Variants in FMN1 observed in about 807,000 individuals in gnomAD.
FMN1 encodes formin-1.
Under a neutral mutation model 132.4 loss-of-function variants are expected in FMN1, and 110 were observed. That is an observed-to-expected ratio of 0.83 (90% CI 0.71 to 0.97). FMN1 has a LOEUF of 0.97. FMN1 is among the 50% of genes least tolerant of loss of function. The pLI is 0.00. For missense variants in FMN1, 1,792 were observed against 1,705.3 expected (o/e 1.05, Z -0.90); for synonymous variants, 722 against 651.7 (o/e 1.11, Z -1.64).
At chr15:32,981,907 C>A (rs1296643894) in intron 7 of FMN1, among the ~76,000 whole-genome samples, 3 of 152,110 alleles carry the variant, frequency 2.0e-5, no homozygotes, top group Non-Finnish European at 4.4e-5. Flanking sequence ...ATTAGACAGA[C>A]CCTTTCACAA....
At position 32,902,015 on chromosome 15, in the gene FMN1, G is replaced by GA. The variant is rs752662507; in HGVS notation, c.3402dup (p.Pro1135SerfsTer2). The GA allele has an allele frequency of 2.5e-6, 4 of 1,612,602 alleles. No individual in the cohort carries two copies. ...CACTGGGCACGTTCAGCAAAATTAG[G>GA]AATCTGGGCTAACTCATGTAAAAAT... On this transcript the variant is annotated frameshift_variant, in exon 13 of 21. Coordinates refer to ENST00000616417, the MANE Select transcript of FMN1 (RefSeq NM_001277313.2). LOFTEE classifies it high-confidence loss of function.
chr15:33,018,439 C>A (rs1192665336), intron 6 of FMN1, among the ~76,000 whole-genome samples: 1 of 152,072 alleles, frequency 6.6e-6, no homozygotes. Flanking sequence ...AGTCGCTCAC[C>A]AATGGCCAAT....
intron 7 of FMN1, among the ~76,000 whole-genome samples, chr15:33,001,231 C>T (rs563837364): frequency 3.3e-5 from 5 of 151,994 alleles, no homozygotes; most frequent in South Asian, 4.2e-4. Context: ...TGCAGTGAGC[C>T]GAGATCACAG....
At chr15:33,178,876 C>G (rs1409784295) in intron 3 of FMN1, among the ~76,000 whole-genome samples, 3 of 152,180 alleles carry the variant, frequency 2.0e-5, no homozygotes, top group Non-Finnish European at 4.4e-5. Context: ...TGATTAAAGC[C>G]TCTCTAAAGG....
chr15:32,963,108 G>C (rs1254109615), intron 9 of FMN1, among the ~76,000 whole-genome samples: 2 of 149,420 alleles, frequency 1.3e-5, no homozygotes, highest in Non-Finnish European at 2.9e-5. Flanking sequence ...GCCCAACAAT[G>C]ATAGACTGGA....
intron 5 of FMN1, chr15:33,066,960 T>G (rs1401957696): frequency 3.1e-6 from 5 of 1,613,890 alleles, no homozygotes; most frequent in Non-Finnish European, 3.4e-6. Flanking sequence ...TGCGTCAATT[T>G]GAGCAAAGCT....
At chr15:33,151,008 A>C (rs894553962) in intron 4 of FMN1, 5 of 1,136,500 alleles carry the variant, frequency 4.4e-6, no homozygotes, top group Non-Finnish European at 5.4e-6. Context: ...GGAAGCAGGA[A>C]ACTTCTCCCT....
chr15:32,819,179 G>T (rs146622665), intron 17 of FMN1, among the ~76,000 whole-genome samples: 1 of 152,028 alleles, frequency 6.6e-6, no homozygotes, highest in Non-Finnish European at 1.5e-5. Context: ...CTCCGAGGAG[G>T]GGGAGGAAAA....
chr15:32,895,796 C>A (rs973365159), intron 15 of FMN1, among the ~76,000 whole-genome samples: 2 of 151,892 alleles, frequency 1.3e-5, no homozygotes, highest in South Asian at 2.1e-4. Flanking sequence ...AAACATTTTA[C>A]CAGTACATTA....
intron 4 of FMN1, among the ~76,000 whole-genome samples, chr15:33,097,332 G>C (rs1458988231): frequency 6.6e-6 from 1 of 150,820 alleles, no homozygotes. Flanking sequence ...GAGAGAGAGA[G>C]ATGGGCTAAA....
At chr15:33,181,707 C>CTTTTTTTTTTTTTTTTTTTTTT (rs753993602) in intron 2 of FMN1, among the ~76,000 whole-genome samples, 1 of 126,218 alleles carries the variant, frequency 7.9e-6, no homozygotes, top group African/African-American at 2.9e-5. Flanking sequence ...TTTTTTCTTT[C>CTTTTTTTTTTTTTTTTTTTTTT]TTTTTTTTTT....
At chr15:33,126,843 T>C (rs1191939643) in intron 4 of FMN1, among the ~76,000 whole-genome samples, 1 of 152,216 alleles carries the variant, frequency 6.6e-6, no homozygotes, top group African/African-American at 2.4e-5. Flanking sequence ...CTTCTGGCTC[T>C]GAAACTTTGG....
chr15:32,768,724 T>C lies in FMN1; in HGVS notation c.*5586A>G, dbSNP rs2056129589. 1 of 152,120 alleles carries C rather than the reference T, an allele frequency of 6.6e-6. No homozygotes were observed. Among genetic ancestry groups the C allele is most frequent in the Admixed American group, 6.5e-5 (1 of 15,268 alleles). The allele number at this position is 152,120 out of a possible 1,614,324, so 9.4% of individuals were successfully genotyped here. ...AAAGCTTGGAAAAATAGCCCACAAG[T>C]GTAGTTGGATCAGCCTTTAGAAAAG... On this transcript the variant is annotated 3_prime_UTR_variant, in exon 21 of 21. Coordinates refer to ENST00000616417, the MANE Select transcript of FMN1 (RefSeq NM_001277313.2).
intron 17 of FMN1, among the ~76,000 whole-genome samples, chr15:32,839,450 G>C (rs2058698173): frequency 6.6e-6 from 1 of 152,016 alleles, no homozygotes; most frequent in Non-Finnish European, 1.5e-5. Context: ...TCGTAGACTG[G>C]ACTGTAAACA....
chr15:32,925,665 C>T (rs1039160114), intron 10 of FMN1, among the ~76,000 whole-genome samples: 3 of 152,186 alleles, frequency 2.0e-5, no homozygotes, highest in Non-Finnish European at 4.4e-5. Flanking sequence ...AATGAGTATA[C>T]AAACAACAGG....
intron 17 of FMN1, among the ~76,000 whole-genome samples, chr15:32,834,194 A>G (rs72717674): frequency 0.077 from 11,671 of 152,206 alleles, 589 homozygotes; most frequent in Non-Finnish European, 0.12. Context: ...GGTTCTTTGG[A>G]AAAAAATTAA....
intron 16 of FMN1, among the ~76,000 whole-genome samples, chr15:32,885,127 C>G (rs1489742129): frequency 6.6e-6 from 1 of 152,214 alleles, no homozygotes; most frequent in East Asian, 1.9e-4. Flanking sequence ...CATCTGAACT[C>G]AAAGCCTGAT....
intron 7 of FMN1, among the ~76,000 whole-genome samples, chr15:32,989,479 A>T (rs536124717): frequency 3.9e-5 from 6 of 152,118 alleles, no homozygotes; most frequent in Non-Finnish European, 8.8e-5. Context: ...CTGGAGGGAA[A>T]GTGTAGGGAA....
chr15:32,790,072 G>A (rs2057020396), intron 19 of FMN1, among the ~76,000 whole-genome samples: 1 of 152,144 alleles, frequency 6.6e-6, no homozygotes, highest in African/African-American at 2.4e-5. Flanking sequence ...ATTAAGTGCT[G>A]CAAATTTATA....
Sources: gnomAD v4.1 joint callset for allele counts (sites outside exome capture counted in the v4.1 genomes callset) on GRCh38, gnomAD v4.1.1 for gene constraint, MANE v1.5 for transcripts, NCBI Gene and HGNC (gene_info 2026-07-23, HGNC 2026-07-21) for gene names.